TSEN15: variants seen among roughly 807,000 people sequenced by gnomAD.
The protein encoded by TSEN15 is tRNA splicing endonuclease subunit 15.
In TSEN15, 10 loss-of-function variants were observed where a neutral mutation model predicts 20.5. That is an observed-to-expected ratio of 0.49 (90% CI 0.30 to 0.83). The LOEUF (loss-of-function observed/expected upper bound fraction) is 0.83, where lower values mean the gene tolerates loss of function less well. Ranked by LOEUF, TSEN15 falls within the 40% of genes least tolerant of loss-of-function variation. The pLI, the probability that TSEN15 is intolerant of heterozygous loss-of-function variation, is 0.06. For synonymous variants in TSEN15, 72 were observed against 80.1 expected, an observed-to-expected ratio of 0.90 and a Z score of 0.54; for missense variants, 180 against 218.6, an observed-to-expected ratio of 0.82 and a Z score of 1.11.
downstream of TSEN15, among the ~76,000 whole-genome samples, chr1:184,075,686 T>C (rs147023255): frequency 5.1e-4 from 77 of 152,238 alleles, no homozygotes; most frequent in East Asian, 0.012. Flanking sequence ...GAAGTGGTAC[T>C]CTTGAAAATT....
chr1:184,076,223 G>A (rs1651058961), downstream of TSEN15, among the ~76,000 whole-genome samples: 1 of 151,916 alleles, frequency 6.6e-6, no homozygotes, highest in Non-Finnish European at 1.5e-5. Context: ...ATCATTTCAT[G>A]TCTTTCTGTC....
chr1:184,072,689 GAT>G (rs1247395027), intron 4 of TSEN15, 136 bp from the exon 5 acceptor site: 4 of 728,646 alleles, frequency 5.5e-6, no homozygotes, highest in Non-Finnish European at 9.2e-6. Flanking sequence ...ATTTTAATAA[GAT>G]AAATGTGCTA....
chr1:184,070,620 T>C (rs1366255770), intron 3 of TSEN15: 2 of 1,269,484 alleles, frequency 1.6e-6, no homozygotes, highest in Non-Finnish European at 2.1e-6. Flanking sequence ...ATTTAGATAT[T>C]GGCGTGCCAC....
At chr1:184,054,623 A>G in intron 2 of TSEN15, 105 bp from the exon 3 acceptor site, 1 of 1,330,314 alleles carries the variant, frequency 7.5e-7, no homozygotes, top group Non-Finnish European at 1.0e-6. Flanking sequence ...GACAGGAGGT[A>G]GTGTTACGAG....
chr1:184,066,906 A>C (rs1013528020), intron 3 of TSEN15, among the ~76,000 whole-genome samples: 2 of 152,192 alleles, frequency 1.3e-5, no homozygotes, highest in African/African-American at 4.8e-5. Context: ...AACATGGACT[A>C]TCTCTCCATT....
intron 3 of TSEN15, among the ~76,000 whole-genome samples, chr1:184,057,078 G>A (rs1445622701): frequency 6.6e-6 from 1 of 152,152 alleles, no homozygotes; most frequent in Non-Finnish European, 1.5e-5. Flanking sequence ...TGATAGGAAT[G>A]TAACTTCTAA....
At chr1:184,079,572 A>G (rs79826356) in intron 3 of TSEN15, among the ~76,000 whole-genome samples, 1 of 152,232 alleles carries the variant, frequency 6.6e-6, no homozygotes, top group African/African-American at 2.4e-5. Context: ...TTGAGAAAAA[A>G]GGAGAGAGAG....
intron 3 of TSEN15, among the ~76,000 whole-genome samples, chr1:184,082,110 G>A (rs1651181775): frequency 6.6e-6 from 1 of 152,168 alleles, no homozygotes; most frequent in Admixed American, 6.5e-5. Context: ...AGTTGTTTAT[G>A]TGGGATAGTG....
chr1:184,075,458 A>G (rs1017805341), downstream of TSEN15, among the ~76,000 whole-genome samples: 8 of 152,150 alleles, frequency 5.3e-5, no homozygotes, highest in African/African-American at 1.9e-4. Flanking sequence ...GTATTTTTTA[A>G]TACATCTCTG....
intron 3 of TSEN15, among the ~76,000 whole-genome samples, chr1:184,061,515 G>A (rs899884500): frequency 6.6e-6 from 1 of 152,022 alleles, no homozygotes; most frequent in Non-Finnish European, 1.5e-5. Context: ...ATAATCTGTT[G>A]TTTGTAAAAC....
At chr1:184,061,904 T>C (rs1650470064) in intron 3 of TSEN15, among the ~76,000 whole-genome samples, 1 of 152,178 alleles carries the variant, frequency 6.6e-6, no homozygotes, top group Admixed American at 6.5e-5. Context: ...GTGAATGCAT[T>C]ACTTTGAGCA....
chr1:184,057,500 A>C (rs187873157), intron 3 of TSEN15, among the ~76,000 whole-genome samples: 10 of 152,284 alleles, frequency 6.6e-5, no homozygotes, highest in Admixed American at 6.5e-4. Context: ...ATAAAGTCTT[A>C]AGACCTGGGT....
chr1:184,091,324 T>G (rs147190301), intron 3 of TSEN15, among the ~76,000 whole-genome samples: 2 of 152,096 alleles, frequency 1.3e-5, no homozygotes, highest in African/African-American at 4.8e-5. Context: ...ATATATATTT[T>G]TATATATATG....
Position 184,072,664 on chromosome 1 carries a change from C to T in TSEN15, c.496-163C>T, listed in dbSNP as rs193146131. On this transcript the variant is annotated intron_variant, in intron 4 of 4. Coordinates refer to ENST00000645668, the MANE Select transcript of TSEN15 (RefSeq NM_052965.4). ...ATTTAAGAAATGTTAAATTGGTTGA[C>T]ATTTTGACAGGAACATTTTAATAAG... 270 of 669,026 alleles carry T rather than the reference C, an allele frequency of 4.0e-4. 1 individual carries two copies. In the African/African-American group the frequency reaches 4.7e-3, roughly 12 times the overall value. 41.4% of individuals were successfully genotyped at this position (669,026 alleles called of 1,614,324 possible). A position where few individuals can be genotyped will look rare whatever the true frequency, so the allele number is the denominator to read the frequency against.
rs1650195160 is a variant in TSEN15 at position 184,054,992 on chromosome 1, G to A, written c.353+129G>A. Reference sequence around the variant, plus strand: ...ATAGCTTTACTCTTGGCTATTTGAGGAATAAGTTAAATATGAGTGTTGTAT... The same window carrying A: ...ATAGCTTTACTCTTGGCTATTTGAGAAATAAGTTAAATATGAGTGTTGTAT... On this transcript the variant is annotated intron_variant, in intron 3 of 4. Transcript: ENST00000645668. The A allele has an allele frequency of 2.0e-5, 21 of 1,074,260 alleles. No individual in the cohort carries two copies. The South Asian group carries it at 3.6e-4, about 18-fold the overall frequency. The allele number at this position is 1,074,260 out of a possible 1,614,324, so 66.5% of individuals were successfully genotyped here.
Position 184,073,484 on chromosome 1 carries a change from A to G in TSEN15, c.*637A>G, listed in dbSNP as rs1650973889. 6.6e-6 allele frequency: 1 copy of G among 152,612 alleles called. No homozygotes were observed. Among genetic ancestry groups the G allele is most frequent in the Non-Finnish European group, 1.5e-5 (1 of 68,036 alleles). The allele number at this position is 152,612 out of a possible 1,614,324, so 9.5% of individuals were successfully genotyped here. On this transcript the variant is annotated 3_prime_UTR_variant, in exon 5 of 5. Transcript: ENST00000645668. ...CAGGGACCAGAGACATGTTACCTAC[A>G]AGAGTTCTGGGCTATCCTTTTCATT...
At chr1:184,084,602 T>C (rs999245908) in intron 3 of TSEN15, among the ~76,000 whole-genome samples, 3 of 151,842 alleles carry the variant, frequency 2.0e-5, no homozygotes, top group African/African-American at 7.3e-5. Context: ...TAATTTATAA[T>C]GAACAGAAAT....
chr1:184,096,533 C>T (rs369077998), exon 4 of TSEN15: 1 of 152,230 alleles, frequency 6.6e-6, no homozygotes. Flanking sequence ...CTTACAGGCA[C>T]ATCAGGAAGA....
intron 3 of TSEN15, among the ~76,000 whole-genome samples, chr1:184,080,065 G>T (rs1033891858): frequency 6.6e-6 from 1 of 152,152 alleles, no homozygotes; most frequent in African/African-American, 2.4e-5. Context: ...AAAGTACTCA[G>T]CATTGGATCA....
Sources: allele counts gnomAD v4.1 joint callset (sites outside exome capture counted in the v4.1 genomes callset), GRCh38; gene constraint gnomAD v4.1.1; transcripts MANE v1.5; gene names NCBI Gene and HGNC (gene_info 2026-07-23, HGNC 2026-07-21).